Variants in ADAMTS17 observed in about 807,000 individuals in gnomAD.
ADAMTS17 encodes the protein A disintegrin and metalloproteinase with thrombospondin motifs 17.
A neutral mutation model predicts 141.5 loss-of-function variants in ADAMTS17; 113 were observed. The ratio of observed to expected loss-of-function variants is 0.80; its 90% CI spans 0.69 to 0.93. The LOEUF is 0.93. ADAMTS17 is among the 40% of genes least tolerant of loss of function. The pLI, the probability that ADAMTS17 is intolerant of heterozygous loss-of-function variation, is 0.00. For missense variants in ADAMTS17, 1,659 were observed against 1,517.9 expected, an observed-to-expected ratio of 1.09 and a Z score of -1.54; for synonymous variants, 768 against 630.6, an observed-to-expected ratio of 1.22 and a Z score of -3.27.
chr15:100,151,567 T>C (rs1221135252), intron 10 of ADAMTS17, among the ~76,000 whole-genome samples: 1 of 152,172 alleles, frequency 6.6e-6, no homozygotes, highest in Non-Finnish European at 1.5e-5. Context: ...CCAGGTGTGC[T>C]TCTGAGTGCC....
intron 8 of ADAMTS17, among the ~76,000 whole-genome samples, chr15:100,164,375 GATA>G: frequency 7.7e-6 from 1 of 129,726 alleles, no homozygotes; most frequent in Middle Eastern, 3.6e-3. Context: ...ACTAAACAGG[GATA>G]ATAATACTGA....
At chr15:100,009,131 C>T (rs753539721) in intron 18 of ADAMTS17, among the ~76,000 whole-genome samples, 8 of 152,124 alleles carry the variant, frequency 5.3e-5, no homozygotes, top group Non-Finnish European at 1.2e-4. Context: ...TGAGCCACTG[C>T]GCCTGGCATA....
Position 99,997,436 on chromosome 15 carries a change from G to A in ADAMTS17, c.2745C>T (p.Ser915=). ...CPGPRPAAVQ[S]CEGQDCLSIW... is the part of the protein sequence containing the mutation. ...TGGACAGGCAGTCCTGGCCTTCACA[G>A]CTCTGCACTGCCGCCGGCCGGGGGC... is the stretch of plus-strand genomic sequence containing the variant. Residue 915 remains serine (S), a synonymous_variant, in exon 19 of 22, where the codon AGC becomes AGT. Transcript: ENST00000268070. The surrounding 1 kb of genome is among the most constrained non-coding windows in gnomAD (Gnocchi z 4.7). The A allele has an allele frequency of 6.2e-7, 1 of 1,613,720 alleles. No homozygotes were observed. Among genetic ancestry groups the A allele is most frequent in the South Asian group, 1.1e-5 (1 of 91,080 alleles).
At chr15:100,326,528 T>C (rs56389930) in intron 3 of ADAMTS17, among the ~76,000 whole-genome samples, 3,684 of 152,274 alleles carry the variant, frequency 0.024, 148 homozygotes, top group African/African-American at 0.077. Context: ...AAACAGCCAA[T>C]TGTTAACTGT....
chr15:100,205,898 G>A (rs1483404902), intron 7 of ADAMTS17, among the ~76,000 whole-genome samples: 12 of 152,154 alleles, frequency 7.9e-5, no homozygotes, highest in Admixed American at 3.3e-4. Context: ...AGACAGCTGT[G>A]CCAGGGACCG....
intron 16 of ADAMTS17, among the ~76,000 whole-genome samples, chr15:100,052,424 GC>G (rs754656888): frequency 2.5e-4 from 38 of 152,338 alleles, no homozygotes; most frequent in Non-Finnish European, 5.1e-4. Context: ...TCAATATTAA[GC>G]GAGGGCTGAA....
chr15:100,046,100 C>T (rs113754172), intron 18 of ADAMTS17, among the ~76,000 whole-genome samples: 38 of 152,160 alleles, frequency 2.5e-4, no homozygotes, highest in African/African-American at 8.7e-4. Context: ...AGGCTGATCT[C>T]GTACTCCTGA....
chr15:100,252,465 T>G (rs1354196066), intron 7 of ADAMTS17, among the ~76,000 whole-genome samples: 1 of 152,138 alleles, frequency 6.6e-6, no homozygotes, highest in African/African-American at 2.4e-5. Flanking sequence ...ATTGAGAGAT[T>G]ATGTCTCCAC....
intron 3 of ADAMTS17, among the ~76,000 whole-genome samples, chr15:100,291,398 T>C (rs1215730682): frequency 6.6e-6 from 1 of 152,238 alleles, no homozygotes; most frequent in Non-Finnish European, 1.5e-5. Flanking sequence ...ACACTGCTGG[T>C]GGAAATGTAA....
intron 8 of ADAMTS17, among the ~76,000 whole-genome samples, chr15:100,169,319 A>T (rs1394091630): frequency 6.6e-6 from 1 of 152,196 alleles, no homozygotes; most frequent in African/African-American, 2.4e-5. Context: ...CCACCCCTCA[A>T]CACAGATGCT....
chr15:100,059,832 G>A (rs533980139), intron 15 of ADAMTS17, among the ~76,000 whole-genome samples: 1 of 152,298 alleles, frequency 6.6e-6, no homozygotes, highest in South Asian at 2.1e-4. Flanking sequence ...CACCTCTGGA[G>A]GAGTCCTTTC....
At chr15:100,216,595 C>G (rs1414575899) in intron 7 of ADAMTS17, among the ~76,000 whole-genome samples, 1 of 152,204 alleles carries the variant, frequency 6.6e-6, no homozygotes, top group Admixed American at 6.5e-5. Flanking sequence ...CTTGCCTGAC[C>G]TGGATTTTGC....
At chr15:100,204,473 C>T (rs2041456331) in intron 7 of ADAMTS17, among the ~76,000 whole-genome samples, 1 of 152,198 alleles carries the variant, frequency 6.6e-6, no homozygotes, top group Non-Finnish European at 1.5e-5. Flanking sequence ...TTGACAAGTC[C>T]TTGTGTTCTT....
intron 18 of ADAMTS17, among the ~76,000 whole-genome samples, chr15:100,003,268 C>T (rs1483644235): frequency 3.9e-5 from 6 of 152,108 alleles, no homozygotes; most frequent in Non-Finnish European, 7.3e-5. Context: ...ACCTGGGGTT[C>T]TAGATGTATA....
In ADAMTS17 at chr15:100,109,110, G is replaced by T; in HGVS notation, c.1895C>A (p.Pro632Gln). 1 of 1,611,852 alleles carries T rather than the reference G, an allele frequency of 6.2e-7. No individual in the cohort carries two copies. The highest frequency in any genetic ancestry group is 8.5e-7 in the Non-Finnish European group (1 of 1,178,990). The change falls in exon 14 of 22, where the codon CCA (proline) becomes CAA (glutamine). Residue 632 changes from proline (P) to glutamine (Q), a missense_variant. Transcript: ENST00000268070. ...LLTAVVVDDK[P>Q]CELYCSPLGK... Reference sequence around the variant, plus strand: ...GAGGGGCGAGCAGTAGAGTTCACATGGCTTATCTGAGGAGGGAAAGGTTGG... The same window carrying T: ...GAGGGGCGAGCAGTAGAGTTCACATTGCTTATCTGAGGAGGGAAAGGTTGG...
intron 12 of ADAMTS17, chr15:100,129,132 G>GCTAT (rs528158742): frequency 6.6e-6 from 1 of 152,212 alleles, no homozygotes; most frequent in Non-Finnish European, 1.5e-5. Context: ...ATATCCTCCT[G>GCTAT]CTATGATGTT....
rs370681070 is a variant in ADAMTS17 at position 100,098,774 on chromosome 15, T to C, written c.2017-2298A>G. Among the ~76,000 whole-genome samples the C allele has an allele frequency of 7.6e-4, 116 of 152,330 alleles. 2 individuals carry two copies. Among genetic ancestry groups the C allele is most frequent in the African/African-American group, 2.2e-3 (92 of 41,584 alleles). ...CCAAATCTGTGAGACCACGTGTCTGTTGCTTTGTTTCACTTCAGAGCTCCA... is the reference window on the plus strand; with the variant it reads ...CCAAATCTGTGAGACCACGTGTCTGCTGCTTTGTTTCACTTCAGAGCTCCA... On this transcript the variant is annotated intron_variant, in intron 14 of 21. Transcript: ENST00000268070.
intron 1 of ADAMTS17, 104 bp downstream of exon 1, chr15:100,341,717 C>T (rs2046372447): frequency 1.4e-6 from 2 of 1,405,890 alleles, no homozygotes; most frequent in Admixed American, 2.7e-5. Flanking sequence ...CGGGCGCCGT[C>T]AGCGGTCCCG....
intron 18 of ADAMTS17, among the ~76,000 whole-genome samples, chr15:100,013,815 T>C (rs958646394): frequency 1.3e-5 from 2 of 152,236 alleles, no homozygotes; most frequent in Non-Finnish European, 2.9e-5. Context: ...TTAGAATCTA[T>C]GTTCATGAAG....
Sources: gnomAD v4.1 joint callset for allele counts (sites outside exome capture counted in the v4.1 genomes callset) on GRCh38, gnomAD v4.1.1 for gene constraint, Gnocchi (gnomAD v3.1) non-coding constraint, MANE v1.5 for transcripts, NCBI Gene and HGNC (gene_info 2026-07-23, HGNC 2026-07-21) for gene names.